RNF213: variants seen among roughly 807,000 people sequenced by gnomAD.
RNF213 encodes E3 ubiquitin-protein ligase RNF213.
In RNF213, 341 loss-of-function variants were observed where a neutral mutation model predicts 514.4. The observed-to-expected ratio is 0.66, with a 90% CI of 0.61 to 0.73. The LOEUF is 0.73. Ranked by LOEUF, RNF213 falls within the 30% of genes least tolerant of loss-of-function variation. The pLI, the probability that RNF213 is intolerant of heterozygous loss-of-function variation, is 0.00. For synonymous variants in RNF213, 2,655 were observed against 2,658.2 expected (o/e 1.00, Z 0.04); for missense variants, 5,767 against 6,615.6 (o/e 0.87, Z 4.45).
intron 58 of RNF213, among the ~76,000 whole-genome samples, 200 bp downstream of exon 58, chr17:80,383,270 G>C (rs1290257930): frequency 1.3e-5 from 2 of 152,132 alleles, no homozygotes; most frequent in East Asian, 1.9e-4. Flanking sequence ...CCTACAGCTG[G>C]TCATGAAGTC....
intron 26 of RNF213, among the ~76,000 whole-genome samples, chr17:80,342,690 C>A (rs537702559): frequency 7.0e-6 from 1 of 143,656 alleles, no homozygotes; most frequent in African/African-American, 2.6e-5. Flanking sequence ...TCCATATATA[C>A]TATATATATT....
Position 80,345,245 on chromosome 17 carries a change from C to A in RNF213, c.6910C>A (p.Pro2304Thr), listed in dbSNP as rs1019592406. ...GAAGAGGTGGGAGTCGGAGCCTCAC[C>A]CATACGTTTTCTTCAATGACGACCA... ...LRKRWESEPH[P>T]YVFFNDDHTT... Residue 2304 changes from proline to threonine, a missense_variant, in exon 29 of 68, where the codon CCA becomes ACA. Transcript: ENST00000582970. The surrounding 1 kb of genome is among the most constrained non-coding windows in gnomAD (Gnocchi z 6.0). 1 of 1,614,076 alleles carries A rather than the reference C, an allele frequency of 6.2e-7. No individual in the cohort carries two copies. The highest frequency in any genetic ancestry group is 8.5e-7 in the Non-Finnish European group (1 of 1,179,998).
intron 8 of RNF213, among the ~76,000 whole-genome samples, chr17:80,292,689 G>A (rs2044775440): frequency 6.7e-6 from 1 of 150,148 alleles, no homozygotes; most frequent in African/African-American, 2.5e-5. Flanking sequence ...CCCCACCTGG[G>A]TTCTCTGTCT....
At chr17:80,297,317 G>A (rs1454215762) in intron 10 of RNF213, among the ~76,000 whole-genome samples, 1 of 151,940 alleles carries the variant, frequency 6.6e-6, no homozygotes, top group Non-Finnish European at 1.5e-5. Flanking sequence ...GGGCGTGGTG[G>A]TGCATGCCTG....
At position 80,363,598 on chromosome 17, in the gene RNF213, C is replaced by T. The variant is rs372291378; in HGVS notation, c.11569-11C>T. ...CACCGCTCAGCCACGCCCTGCTGTC[C>T]GTCTCCCCAGACCCTGGACGCATTT... On this transcript the variant is annotated splice_polypyrimidine_tract_variant and intron_variant, in intron 40 of 67. Transcript: ENST00000582970. 2.4e-4 allele frequency: 382 copies of T among 1,612,970 alleles called. 1 individual carries two copies. The highest frequency in any genetic ancestry group is 2.0e-3 in the African/African-American group (151 of 75,024).
chr17:80,342,701 CTATA>C (rs1568097745), intron 26 of RNF213, among the ~76,000 whole-genome samples: 1 of 142,992 alleles, frequency 7.0e-6, no homozygotes, highest in African/African-American at 2.6e-5. Flanking sequence ...TATATATATT[CTATA>C]TATACATATA....
intron 17 of RNF213, chr17:80,321,441 T>C (rs1297419232): frequency 1.3e-5 from 2 of 152,262 alleles, no homozygotes; most frequent in Non-Finnish European, 2.9e-5. Context: ...CTTCTTCGGC[T>C]ATTATAAATC....
rs1324851996 is a variant in RNF213 at position 80,397,140 on chromosome 17, AT to A, written c.*3644del. On this transcript the variant is annotated 3_prime_UTR_variant, in exon 68 of 68. Transcript: ENST00000582970. ...GCCACAGGTCCATGAGTGACTCCTA[AT>A]TACCAAATCCAAGGGCTCCTTCACC... is the stretch of plus-strand genomic sequence containing the variant. 1 of 152,362 alleles carries A rather than the reference AT, an allele frequency of 6.6e-6. No individual in the cohort carries two copies. The highest frequency in any genetic ancestry group is 2.4e-5 in the African/African-American group (1 of 41,404). 9.4% of individuals were successfully genotyped at this position (152,362 alleles called of 1,614,324 possible).
chr17:80,281,156 C>T (rs2044247011), intron 3 of RNF213, among the ~76,000 whole-genome samples: 1 of 129,392 alleles, frequency 7.7e-6, no homozygotes, highest in African/African-American at 2.9e-5. Context: ...ACACCACTCA[C>T]ACACACCCCC....
chr17:80,273,521 G>A, intron 3 of RNF213, 117 bp downstream of exon 3: 1 of 1,316,804 alleles, frequency 7.6e-7, no homozygotes, highest in Non-Finnish European at 1.1e-6. Flanking sequence ...CATTGAACCT[G>A]CCCACAGGGC....
At chr17:80,338,372 G>C (rs1286459573) in intron 25 of RNF213, among the ~76,000 whole-genome samples, 2 of 152,170 alleles carry the variant, frequency 1.3e-5, no homozygotes, top group Non-Finnish European at 2.9e-5. Flanking sequence ...AAATAACTAA[G>C]ATTTAGATGG....
intron 15 of RNF213, among the ~76,000 whole-genome samples, chr17:80,314,304 G>A (rs868462398): frequency 1.3e-5 from 1 of 78,624 alleles, no homozygotes; most frequent in Admixed American, 1.2e-4. Flanking sequence ...GGTGGTGGAC[G>A]TGATGGTGGA....
At chr17:80,271,421 C>T (rs1035945024) in intron 2 of RNF213, among the ~76,000 whole-genome samples, 1 of 152,124 alleles carries the variant, frequency 6.6e-6, no homozygotes, top group Non-Finnish European at 1.5e-5. Flanking sequence ...AGGGCAGTGA[C>T]GAAACCAGGT....
chr17:80,317,765 AGT>A lies in RNF213; in HGVS notation c.2901+493_2901+494del, dbSNP rs1409636393. On this transcript the variant is annotated intron_variant, in intron 16 of 67. Transcript: ENST00000582970. The surrounding 1 kb of genome is among the most constrained non-coding windows in gnomAD (Gnocchi z 4.1). The stretch of plus-strand genomic sequence containing the variant: ...CTTAGCTCCGCCGTCTATGGACAGT[AGT>A]GTGTTATCAGCTCAGTGGGTCCCTT... Among the ~76,000 whole-genome samples the A allele has an allele frequency of 2.6e-5, 4 of 152,076 alleles. No individual in the cohort carries two copies. The highest frequency in any genetic ancestry group is 5.9e-5 in the Non-Finnish European group (4 of 67,994).
Position 80,306,550 on chromosome 17 carries a change from A to G in RNF213, c.2427+82A>G, listed in dbSNP as rs995625789. The G allele has an allele frequency of 5.0e-6, 7 of 1,411,096 alleles. No individual in the cohort carries two copies. The African/African-American group carries it at 8.5e-5, about 17-fold the overall frequency. The allele number at this position is 1,411,096 out of a possible 1,614,324, so 87.4% of individuals were successfully genotyped here. On this transcript the variant is annotated intron_variant, in intron 12 of 67. Coordinates refer to ENST00000582970, the MANE Select transcript of RNF213 (RefSeq NM_001256071.3). ...TAAACATGGAAAGCTCAGGATTCTT[A>G]TTCCTAAAAAACAGACAGTGGGCTG...
Position 80,394,807 on chromosome 17 carries a change from G to A in RNF213, c.*1309G>A, listed in dbSNP as rs2080614870. On this transcript the variant is annotated 3_prime_UTR_variant, in exon 68 of 68. Coordinates refer to ENST00000582970, the MANE Select transcript of RNF213 (RefSeq NM_001256071.3). ...CCACCAGTGTCTGATGAAGGGCAGA[G>A]TGACCCAGACTGCAGGCAGTAACTG... 1 of 152,270 alleles carries A rather than the reference G, an allele frequency of 6.6e-6. No homozygotes were observed. The highest frequency in any genetic ancestry group is 1.5e-5 in the Non-Finnish European group (1 of 68,098). The allele number at this position is 152,270 out of a possible 1,614,324, so 9.4% of individuals were successfully genotyped here.
Position 80,394,521 on chromosome 17 carries a change from T to A in RNF213, c.*1023T>A, listed in dbSNP as rs1028709591. 1.3e-5 allele frequency: 2 copies of A among 152,188 alleles called. No homozygotes were observed. The highest frequency in any genetic ancestry group is 2.9e-5 in the Non-Finnish European group (2 of 68,032). 9.4% of individuals were successfully genotyped at this position (152,188 alleles called of 1,614,324 possible). On this transcript the variant is annotated 3_prime_UTR_variant, in exon 68 of 68. Transcript: ENST00000582970. ...CTCACTGACGTGTTGCCTTTTTTCT[T>A]TACAAAATCTGCTTTGATACTTAGG...
intron 54 of RNF213, among the ~76,000 whole-genome samples, chr17:80,379,250 C>G (rs951302068): frequency 1.2e-4 from 19 of 152,158 alleles, no homozygotes; most frequent in African/African-American, 4.3e-4. Flanking sequence ...TTTGGAAGCT[C>G]TTCTAGTATT....
At chr17:80,380,724 A>G (rs761472839) in intron 55 of RNF213, 107 bp from the exon 56 acceptor site, 238 of 1,302,988 alleles carry the variant, frequency 1.8e-4, no homozygotes, top group Non-Finnish European at 2.3e-4. Context: ...AGTACTCTTC[A>G]CATAACTCTC....
Sources: allele counts gnomAD v4.1 joint callset (sites outside exome capture counted in the v4.1 genomes callset), GRCh38; gene constraint gnomAD v4.1.1; non-coding constraint Gnocchi (gnomAD v3.1); transcripts MANE v1.5; gene names NCBI Gene and HGNC (gene_info 2026-07-23, HGNC 2026-07-21).